The following RELB variants were observed in gnomAD, a reference collection of about 807,000 sequenced individuals.
The protein encoded by RELB is RELB proto-oncogene, NF-kB subunit.
A neutral mutation model predicts 55.4 loss-of-function variants in RELB; 14 were observed. The ratio of observed to expected loss-of-function variants is 0.25; its 90% CI spans 0.17 to 0.40. The LOEUF (loss-of-function observed/expected upper bound fraction) is 0.40, where lower values mean the gene tolerates loss of function less well. Ranked by LOEUF, RELB falls within the 10% of genes least tolerant of loss-of-function variation. RELB has a pLI of 1.00. For synonymous variants in RELB, 409 were observed against 371.3 expected (o/e 1.10, Z -1.17); for missense variants, 669 against 830.7 (o/e 0.81, Z 2.39).
chr19:45,019,631 G>A (rs1971459569), intron 4 of RELB, among the ~76,000 whole-genome samples: 1 of 152,076 alleles, frequency 6.6e-6, no homozygotes, highest in Non-Finnish European at 1.5e-5. Flanking sequence ...GCATTTGGTT[G>A]TCCTATCTCA....
intron 4 of RELB, among the ~76,000 whole-genome samples, chr19:45,014,168 C>CTTTTTT (rs113601074): frequency 7.9e-6 from 1 of 126,806 alleles, no homozygotes; most frequent in South Asian, 2.5e-4. Context: ...ATTTCTAAGG[C>CTTTTTT]TTTTTTTTTT....
At chr19:45,020,480 C>T (rs58998314) in intron 4 of RELB, among the ~76,000 whole-genome samples, 267 of 149,392 alleles carry the variant, frequency 1.8e-3, no homozygotes, top group African/African-American at 6.5e-3. Context: ...TCCCAAAGTA[C>T]TGGGATTACA....
chr19:45,002,751 C>T (rs1368060429), intron 1 of RELB, among the ~76,000 whole-genome samples, 198 bp from the exon 2 acceptor site: 1 of 152,036 alleles, frequency 6.6e-6, no homozygotes, highest in Non-Finnish European at 1.5e-5. Flanking sequence ...AAGGGTGGGG[C>T]GAACCACAGA....
chr19:45,032,275 CG>C (rs1159013868), intron 8 of RELB: 5 of 352,770 alleles, frequency 1.4e-5, no homozygotes, highest in Non-Finnish European at 1.6e-5. Flanking sequence ...TAAAATTAGC[CG>C]GGCGTGGTGG....
chr19:45,027,064 C>G (rs1971566676), intron 7 of RELB, among the ~76,000 whole-genome samples: 1 of 151,688 alleles, frequency 6.6e-6, no homozygotes, highest in South Asian at 2.1e-4. Flanking sequence ...CCCGTCTCTA[C>G]TAAAAATCCA....
chr19:45,021,591 T>C (rs959366016), intron 4 of RELB, among the ~76,000 whole-genome samples: 3 of 145,160 alleles, frequency 2.1e-5, no homozygotes, highest in Non-Finnish European at 4.5e-5. Context: ...TTTTTTTTTT[T>C]TTTGAGACCG....
At chr19:45,018,015 CCAG>C (rs1285525044) in intron 4 of RELB, among the ~76,000 whole-genome samples, 1 of 150,792 alleles carries the variant, frequency 6.6e-6, no homozygotes, top group Non-Finnish European at 1.5e-5. Context: ...GCCTGTAATC[CCAG>C]CATTTTGGGA....
In RELB at chr19:45,037,837, G is replaced by A. The variant is rs765739510; in HGVS notation, c.*47G>A. Reference sequence around the variant, plus strand: ...GCACTGGGTGGGGAGGGAGGTGGAGGAGCCGTGCAATCCCAACCAGGATGT... The same window carrying A: ...GCACTGGGTGGGGAGGGAGGTGGAGAAGCCGTGCAATCCCAACCAGGATGT... On this transcript the variant is annotated 3_prime_UTR_variant, in exon 12 of 12. Coordinates refer to ENST00000221452, the MANE Select transcript of RELB (RefSeq NM_006509.4). The A allele has an allele frequency of 6.8e-7, 1 of 1,463,730 alleles. No individual in the cohort carries two copies. Among genetic ancestry groups the A allele is most frequent in the Non-Finnish European group, 9.0e-7 (1 of 1,112,468 alleles). 90.7% of individuals were successfully genotyped at this position (1,463,730 alleles called of 1,614,324 possible). A position where few individuals can be genotyped will look rare whatever the true frequency, so the allele number is the denominator to read the frequency against.
At chr19:45,011,793 TGTGTGAGAGAGAGAGAGAGAGA>T (rs1211399185) in intron 3 of RELB, 121 bp from the exon 4 acceptor site, 27 of 228,060 alleles carry the variant, frequency 1.2e-4, no homozygotes, top group African/African-American at 2.5e-4. Context: ...TGTGTGTGTG[TGTGTGAGAGAGAGAGAGAGAGA>T]GAGAGAGAGA....
rs112719442 is a variant in RELB at position 45,031,210 on chromosome 19, G to GT, written c.992-1313dup. Among the ~76,000 whole-genome samples the GT allele has an allele frequency of 2.8e-3, 409 of 146,604 alleles. 6 individuals carry two copies. Among genetic ancestry groups the GT allele is most frequent in the East Asian group, 0.014 (71 of 5,060 alleles). Reference sequence around the variant, plus strand: ...CTTTCAAGCCTCAGTTTCCGTTTTTGTTTTTTTTTTTAAGAACCAGGCTCT... The same window carrying GT: ...CTTTCAAGCCTCAGTTTCCGTTTTTGTTTTTTTTTTTTAAGAACCAGGCTCT... On this transcript the variant is annotated intron_variant, in intron 8 of 11. Coordinates refer to ENST00000221452, the MANE Select transcript of RELB (RefSeq NM_006509.4).
intron 11 of RELB, 93 bp downstream of exon 11, chr19:45,034,621 G>A (rs1319117968): frequency 9.4e-7 from 1 of 1,067,526 alleles, no homozygotes; most frequent in Non-Finnish European, 1.4e-6. Flanking sequence ...CCCTCCAAGA[G>A]CAGCCACAAG....
At position 45,003,915 on chromosome 19, in the gene RELB, G is replaced by GTTTTTTTTTTTTTTTTTTTTTTTTTT. The variant is rs1039624578; in HGVS notation, c.154+920_154+945dup. 3.5e-4 allele frequency among the ~76,000 whole-genome samples: 22 copies of GTTTTTTTTTTTTTTTTTTTTTTTTTT among 63,574 alleles called. 8 individuals carry two copies. The highest frequency in any genetic ancestry group is 7.6e-4 in the South Asian group (1 of 1,314). The allele number at this position is 63,574 out of a possible 152,430, so 41.7% of individuals were successfully genotyped here. A position where few individuals can be genotyped will look rare whatever the true frequency, so the allele number is the denominator to read the frequency against. ...TGGGTTTTTTTTGTCTGTTTTTTGT[G>GTTTTTTTTTTTTTTTTTTTTTTTTTT]TTTTTTTTTTTTTTTTTTTTTTTTT... On this transcript the variant is annotated intron_variant, in intron 2 of 11. Coordinates refer to ENST00000221452, the MANE Select transcript of RELB (RefSeq NM_006509.4).
At position 45,001,664 on chromosome 19, in the gene RELB, G is replaced by A; in HGVS notation, c.85G>A (p.Ala29Thr). The A allele has an allele frequency of 6.6e-7, 1 of 1,523,226 alleles. No homozygotes were observed. The allele number at this position is 1,523,226 out of a possible 1,614,324, so 94.4% of individuals were successfully genotyped here. A position where few individuals can be genotyped will look rare whatever the true frequency, so the allele number is the denominator to read the frequency against. Residue 29 changes from alanine (A) to threonine (T), a missense_variant, in exon 1 of 12, where the codon GCG becomes ACG. Ala to Thr is a moderately conservative substitution (Grantham distance 58, BLOSUM62 0). This residue lies in a region of RELB where 323 missense variants were observed against 368.5 expected (regional missense o/e 0.88). Transcript: ENST00000221452. ...TCGCCGCGTCGCCAGACCGCCGGCTGCGCCGGAGCTGGGGGCCTTAGGTAA... is the reference window on the plus strand; with the variant it reads ...TCGCCGCGTCGCCAGACCGCCGGCTACGCCGGAGCTGGGGGCCTTAGGTAA... ...PSRRVARPPA[A>T]PELGALGSPD...
In RELB at chr19:45,003,915, G is replaced by GTTTTTTTTTTTTTTTTT. The variant is rs1039624578; in HGVS notation, c.154+929_154+945dup. Among the ~76,000 whole-genome samples, 9 of 63,576 alleles carry GTTTTTTTTTTTTTTTTT rather than the reference G, an allele frequency of 1.4e-4. 2 individuals are homozygous for GTTTTTTTTTTTTTTTTT. The highest frequency in any genetic ancestry group is 3.5e-4 in the African/African-American group (6 of 16,994). 41.7% of individuals were successfully genotyped at this position (63,576 alleles called of 152,430 possible). A position where few individuals can be genotyped will look rare whatever the true frequency, so the allele number is the denominator to read the frequency against. On this transcript the variant is annotated intron_variant, in intron 2 of 11. Coordinates refer to ENST00000221452, the MANE Select transcript of RELB (RefSeq NM_006509.4). ...TGGGTTTTTTTTGTCTGTTTTTTGT[G>GTTTTTTTTTTTTTTTTT]TTTTTTTTTTTTTTTTTTTTTTTTT...
At chr19:45,006,465 A>G (rs912472996) in intron 2 of RELB, among the ~76,000 whole-genome samples, 1 of 151,900 alleles carries the variant, frequency 6.6e-6, no homozygotes, top group South Asian at 2.1e-4. Flanking sequence ...CGGCCTCTCA[A>G]AGTGCTGGGA....
chr19:45,037,859 A>T lies in RELB; in HGVS notation c.*69A>T. On this transcript the variant is annotated 3_prime_UTR_variant, in exon 12 of 12. Coordinates refer to ENST00000221452, the MANE Select transcript of RELB (RefSeq NM_006509.4). ...GAGGAGCCGTGCAATCCCAACCAGGATGTCTAGCACCCCCATCCCCTTGGC... is the reference window on the plus strand; with the variant it reads ...GAGGAGCCGTGCAATCCCAACCAGGTTGTCTAGCACCCCCATCCCCTTGGC... 1.4e-6 allele frequency: 2 copies of T among 1,408,340 alleles called. No homozygotes were observed. The highest frequency in any genetic ancestry group is 1.9e-6 in the Non-Finnish European group (2 of 1,070,116). 87.2% of individuals were successfully genotyped at this position (1,408,340 alleles called of 1,614,324 possible).
chr19:45,021,295 A>G (rs9749236), intron 4 of RELB, among the ~76,000 whole-genome samples: 98 of 151,598 alleles, frequency 6.5e-4, no homozygotes, highest in Non-Finnish European at 1.1e-3. Context: ...AACACGGTGA[A>G]ACCCCATCTC....
At position 45,001,544 on chromosome 19, in the gene RELB, G is replaced by A. The variant is rs1600057409; in HGVS notation, c.-36G>A. ...TCGTCCGACCCGCGATCGTCCACCAGACCGTGCCTCCCGGCCGCCCGGCCG... is the reference window on the plus strand; with the variant it reads ...TCGTCCGACCCGCGATCGTCCACCAAACCGTGCCTCCCGGCCGCCCGGCCG... On this transcript the variant is annotated 5_prime_UTR_variant, in exon 1 of 12. Coordinates refer to ENST00000221452, the MANE Select transcript of RELB (RefSeq NM_006509.4). 5 of 1,299,128 alleles carry A rather than the reference G, an allele frequency of 3.8e-6. No individual in the cohort carries two copies. The highest frequency in any genetic ancestry group is 5.1e-6 in the Non-Finnish European group (5 of 982,820). 80.5% of individuals were successfully genotyped at this position (1,299,128 alleles called of 1,614,324 possible).
intron 11 of RELB, 80 bp downstream of exon 11, chr19:45,034,608 A>G: frequency 4.0e-6 from 5 of 1,253,500 alleles, no homozygotes; most frequent in Non-Finnish European, 4.5e-6. Context: ...TGGCCTCTTC[A>G]CGCCCTCCAA....
Sources: allele counts gnomAD v4.1 joint callset (sites outside exome capture counted in the v4.1 genomes callset), GRCh38; gene constraint gnomAD v4.1.1; regional missense constraint gnomAD v4.1.1; transcripts MANE v1.5; gene names NCBI Gene and HGNC (gene_info 2026-07-23, HGNC 2026-07-21).